Variants in ATP9B observed in about 807,000 individuals in gnomAD.
The protein encoded by ATP9B is probable phospholipid-transporting ATPase IIB.
In ATP9B, 110 loss-of-function variants were observed where a neutral mutation model predicts 146.1. The ratio of observed to expected loss-of-function variants is 0.75; its 90% CI spans 0.65 to 0.88. The LOEUF is 0.88. Among genes scored for constraint, ATP9B ranks in the 40% least tolerant of loss-of-function variants. The probability of loss-of-function intolerance (pLI) is 0.00; values close to 1 mark genes in which losing one functional copy is unlikely to be tolerated. For missense variants in ATP9B, 1,499 were observed against 1,496.4 expected (o/e 1.00, Z -0.03); for synonymous variants, 604 against 569.7 (o/e 1.06, Z -0.86).
chr18:79,164,609 C>T (rs978758881), intron 7 of ATP9B, among the ~76,000 whole-genome samples: 3 of 152,100 alleles, frequency 2.0e-5, no homozygotes, highest in Non-Finnish European at 4.4e-5. Flanking sequence ...GTCCCAGCTA[C>T]TCAGGAGGCT....
In ATP9B at chr18:79,119,195, C is replaced by A. The variant is rs1188645976; in HGVS notation, c.558+5841C>A. Among the ~76,000 whole-genome samples the A allele has an allele frequency of 3.0e-4, 46 of 152,080 alleles. 1 individual carries two copies. The highest frequency in any genetic ancestry group is 3.0e-3 in the Admixed American group (46 of 15,268). On this transcript the variant is annotated intron_variant, in intron 4 of 29. Transcript: ENST00000426216. ...TGTATTTATATATATTTTGCTTCAG[C>A]CTTTTGTACTTACTCTGATTTAACT...
At chr18:79,363,285 T>C (rs1237695175) in intron 26 of ATP9B, 1 of 152,212 alleles carries the variant, frequency 6.6e-6, no homozygotes, top group Non-Finnish European at 1.5e-5. Flanking sequence ...GACACTGAAG[T>C]GTACCTCTAA....
chr18:79,163,659 AGC>A (rs771194217), intron 7 of ATP9B, among the ~76,000 whole-genome samples: 53 of 152,252 alleles, frequency 3.5e-4, no homozygotes, highest in Middle Eastern at 3.4e-3. Context: ...GAAACCAGTG[AGC>A]TCGTGCAATA....
intron 11 of ATP9B, among the ~76,000 whole-genome samples, chr18:79,248,793 G>T (rs994053383): frequency 6.6e-6 from 1 of 152,208 alleles, no homozygotes; most frequent in Non-Finnish European, 1.5e-5. Context: ...CTACTTCTTT[G>T]TAAGGGGTAA....
intron 1 of ATP9B, among the ~76,000 whole-genome samples, chr18:79,073,671 G>A (rs1056890122): frequency 6.6e-6 from 1 of 152,160 alleles, no homozygotes; most frequent in East Asian, 1.9e-4. Flanking sequence ...AGACGGAGAC[G>A]ACGGAGAGGG....
intron 15 of ATP9B, among the ~76,000 whole-genome samples, chr18:79,317,735 A>G (rs1184124264): frequency 6.6e-6 from 1 of 152,188 alleles, no homozygotes; most frequent in Non-Finnish European, 1.5e-5. Context: ...ATGACTGCCA[A>G]AGAGCAGTAA....
At chr18:79,258,001 A>G (rs1228381639) in intron 12 of ATP9B, among the ~76,000 whole-genome samples, 1 of 152,190 alleles carries the variant, frequency 6.6e-6, no homozygotes, top group Non-Finnish European at 1.5e-5. Context: ...TATATGGACT[A>G]TCTCCAACCA....
intron 8 of ATP9B, among the ~76,000 whole-genome samples, chr18:79,190,133 C>T (rs1000461752): frequency 3.3e-5 from 5 of 152,198 alleles, no homozygotes; most frequent in Non-Finnish European, 5.9e-5. Context: ...ACTGCATCTT[C>T]AGGATCATTA....
At chr18:79,139,399 C>T (rs2094486874) in intron 5 of ATP9B, among the ~76,000 whole-genome samples, 1 of 152,182 alleles carries the variant, frequency 6.6e-6, no homozygotes, top group South Asian at 2.1e-4. Context: ...ATGTTTTATA[C>T]CACAAACACG....
chr18:79,118,384 G>GTTTTTTTTTTTTTTTTTTTTTTTTT (rs1304879263), intron 4 of ATP9B, among the ~76,000 whole-genome samples: 1 of 73,490 alleles, frequency 1.4e-5, no homozygotes, highest in African/African-American at 5.4e-5. Context: ...CATATTGAAC[G>GTTTTTTTTTTTTTTTTTTTTTTTTT]TTTTTGTTTT....
At chr18:79,245,521 G>A (rs73000576) in intron 11 of ATP9B, among the ~76,000 whole-genome samples, 9,880 of 151,750 alleles carry the variant, frequency 0.065, 409 homozygotes, top group Non-Finnish European at 0.089. Context: ...ACTTCGAAAA[G>A]CCTTAGGAGG....
intron 15 of ATP9B, among the ~76,000 whole-genome samples, chr18:79,311,108 C>T (rs2096650201): frequency 6.6e-6 from 1 of 151,452 alleles, no homozygotes; most frequent in Admixed American, 6.6e-5. Context: ...GCCAGGATCA[C>T]GCCACTGCAC....
intron 20 of ATP9B, among the ~76,000 whole-genome samples, chr18:79,343,198 AAATT>A (rs1447436689): frequency 1.3e-5 from 2 of 152,222 alleles, no homozygotes; most frequent in East Asian, 1.9e-4. Context: ...ATTTGCAATT[AAATT>A]ATTAATGCTT....
intron 1 of ATP9B, among the ~76,000 whole-genome samples, chr18:79,087,086 G>T (rs996701837): frequency 2.6e-4 from 39 of 152,314 alleles, no homozygotes; most frequent in South Asian, 4.1e-4. Context: ...TTGACGTCTG[G>T]TGAGGCCTTC....
At chr18:79,081,558 A>T (rs2073263722) in intron 1 of ATP9B, among the ~76,000 whole-genome samples, 3 of 150,778 alleles carry the variant, frequency 2.0e-5, no homozygotes, top group East Asian at 4.0e-4. Context: ...TTTTCAAAAA[A>T]CCAGCTCCTG....
intron 1 of ATP9B, among the ~76,000 whole-genome samples, chr18:79,070,272 C>T (rs138232756): frequency 1.7e-4 from 26 of 152,332 alleles, no homozygotes; most frequent in African/African-American, 5.5e-4. Context: ...TAATTTCACT[C>T]AATATGTAGT....
At chr18:79,309,761 G>A (rs1372325878) in intron 15 of ATP9B, among the ~76,000 whole-genome samples, 2 of 152,108 alleles carry the variant, frequency 1.3e-5, no homozygotes, top group Admixed American at 6.5e-5. Flanking sequence ...TGTTGGTTAC[G>A]CAACTCTGTG....
chr18:79,291,914 G>T (rs1450400777), intron 13 of ATP9B, among the ~76,000 whole-genome samples: 1 of 152,066 alleles, frequency 6.6e-6, no homozygotes, highest in Admixed American at 6.5e-5. Context: ...CATCGCCCGT[G>T]CCCCAGGCAG....
intron 11 of ATP9B, among the ~76,000 whole-genome samples, chr18:79,215,015 A>T (rs1332727739): frequency 6.6e-6 from 1 of 151,830 alleles, no homozygotes; most frequent in African/African-American, 2.4e-5. Flanking sequence ...GGGCATGATG[A>T]CGGGTGCCTG....
Sources: allele counts gnomAD v4.1 joint callset (sites outside exome capture counted in the v4.1 genomes callset), GRCh38; gene constraint gnomAD v4.1.1; transcripts MANE v1.5; gene names NCBI Gene and HGNC (gene_info 2026-07-23, HGNC 2026-07-21).